Variants in DIAPH2 observed in about 807,000 individuals in gnomAD.
DIAPH2 encodes diaphanous related formin 2, also known as protein diaphanous homolog 2.
A neutral mutation model predicts 92.7 loss-of-function variants in DIAPH2; 35 were observed. The observed-to-expected ratio is 0.38, with a 90% CI of 0.29 to 0.50. The LOEUF (loss-of-function observed/expected upper bound fraction) is 0.50. Ranked by LOEUF, DIAPH2 falls within the 20% of genes least tolerant of loss-of-function variation. DIAPH2 has a pLI of 0.94. For missense variants in DIAPH2, 701 were observed against 819.5 expected, an observed-to-expected ratio of 0.86 and a Z score of 1.77; for synonymous variants, 301 against 280.4, an observed-to-expected ratio of 1.07 and a Z score of -0.73.
intron 23 of DIAPH2, among the ~76,000 whole-genome samples, chrX:97,335,888 C>G (rs2069053661): frequency 9.0e-6 from 1 of 111,523 alleles, no homozygotes; most frequent in Admixed American, 9.6e-5. Context: ...CAATGACTTA[C>G]GTTTTGGGCA....
At chrX:97,305,562 G>A (rs771536639) in intron 23 of DIAPH2, among the ~76,000 whole-genome samples, 4 of 110,287 alleles carry the variant, frequency 3.6e-5, no homozygotes, top group Non-Finnish European at 5.7e-5. Context: ...GCTCATGCCT[G>A]TAATCCCAGC....
intron 5 of DIAPH2, among the ~76,000 whole-genome samples, chrX:96,896,548 T>G (rs1478832319): frequency 8.9e-6 from 1 of 112,145 alleles, no homozygotes; most frequent in East Asian, 2.8e-4. Flanking sequence ...AGTTCTTTCA[T>G]GGAGGTTTGT....
chrX:96,808,319 A>T (rs2064645967), intron 4 of DIAPH2, among the ~76,000 whole-genome samples: 1 of 111,524 alleles, frequency 9.0e-6, no homozygotes, highest in African/African-American at 3.3e-5. Flanking sequence ...AAATGCTTCA[A>T]ATGCACCAGT....
chrX:97,389,390 C>T (rs893578517), intron 25 of DIAPH2, among the ~76,000 whole-genome samples: 1 of 102,277 alleles, frequency 9.8e-6, no homozygotes, highest in African/African-American at 3.6e-5. Context: ...TGCTTGAACC[C>T]GGGGGGCAGA....
intron 23 of DIAPH2, among the ~76,000 whole-genome samples, chrX:97,264,728 G>A (rs1409559020): frequency 8.9e-6 from 1 of 112,333 alleles, no homozygotes; most frequent in East Asian, 2.8e-4. Context: ...GCTCACGCCT[G>A]TAATGCCAGA....
intron 17 of DIAPH2, among the ~76,000 whole-genome samples, chrX:97,011,109 C>A (rs1403305870): frequency 1.8e-5 from 2 of 112,128 alleles, no homozygotes; most frequent in Non-Finnish European, 3.8e-5. Flanking sequence ...CTGTAATTCC[C>A]ATATTTGCCT....
chrX:97,487,012 G>A (rs371060398), intron 26 of DIAPH2, among the ~76,000 whole-genome samples: 2 of 112,047 alleles, frequency 1.8e-5, no homozygotes, highest in African/African-American at 3.2e-5. Flanking sequence ...GTGGAATCCC[G>A]CAGTATGAGT....
At chrX:97,114,440 G>A (rs2067003597) in intron 20 of DIAPH2, among the ~76,000 whole-genome samples, 1 of 111,652 alleles carries the variant, frequency 9.0e-6, no homozygotes. Context: ...GCTATTGATG[G>A]CTAATGATTA....
chrX:96,837,306 T>A (rs1326368744), intron 4 of DIAPH2, among the ~76,000 whole-genome samples: 1 of 109,153 alleles, frequency 9.2e-6, no homozygotes, highest in Non-Finnish European at 1.9e-5. Flanking sequence ...GATGAATGAG[T>A]TTACATCTAA....
chrX:97,491,035 G>A (rs1274460166), intron 26 of DIAPH2, among the ~76,000 whole-genome samples: 10 of 110,918 alleles, frequency 9.0e-5, no homozygotes, highest in Admixed American at 8.6e-4. Flanking sequence ...CCATAGTGCT[G>A]TCTGTTTCCT....
intron 3 of DIAPH2, among the ~76,000 whole-genome samples, chrX:96,756,206 CT>C (rs1214000561): frequency 1.8e-5 from 2 of 110,407 alleles, no homozygotes; most frequent in Non-Finnish European, 1.9e-5. Flanking sequence ...GAGTGTGAAA[CT>C]AGCACAACAA....
intron 17 of DIAPH2, among the ~76,000 whole-genome samples, chrX:97,070,058 A>G (rs751995905): frequency 1.3e-3 from 145 of 111,696 alleles, no homozygotes; most frequent in Non-Finnish European, 2.4e-3. Context: ...CATATCTTTA[A>G]TAATAATATA....
intron 22 of DIAPH2, among the ~76,000 whole-genome samples, chrX:97,195,768 T>C (rs746668815): frequency 1.8e-4 from 20 of 108,995 alleles, no homozygotes; most frequent in Admixed American, 1.6e-3. Flanking sequence ...TGTTGAAATA[T>C]TCTGTTCGAC....
At chrX:97,172,315 C>T (rs2067460353) in intron 22 of DIAPH2, among the ~76,000 whole-genome samples, 1 of 111,811 alleles carries the variant, frequency 8.9e-6, no homozygotes, top group Non-Finnish European at 1.9e-5. Context: ...AAATCAATTG[C>T]GAACCTTTTT....
intron 5 of DIAPH2, chrX:96,885,227 T>C: frequency 1.9e-6 from 1 of 539,948 alleles, no homozygotes; most frequent in Non-Finnish European, 3.0e-6. Context: ...AACTCGCTGC[T>C]TTTCTAACTG....
Position 97,601,435 on chromosome X carries a change from T to G in DIAPH2, c.*2118T>G, listed in dbSNP as rs181918821. 1.2e-5 allele frequency: 1 copy of G among 83,084 alleles called. No homozygotes were observed. The highest frequency in any genetic ancestry group is 3.7e-5 in the African/African-American group (1 of 27,255). The allele number at this position is 83,084 out of a possible 1,213,427, so 6.8% of individuals were successfully genotyped here. Reference sequence around the variant, plus strand: ...TTATTTAGAGCAATCCCACATGCTTTTCACAAACATTAAAAAAAAAAACCT... The same window carrying G: ...TTATTTAGAGCAATCCCACATGCTTGTCACAAACATTAAAAAAAAAAACCT... On this transcript the variant is annotated 3_prime_UTR_variant, in exon 27 of 27. Transcript: ENST00000324765.
intron 26 of DIAPH2, among the ~76,000 whole-genome samples, chrX:97,456,030 T>C (rs2070400675): frequency 8.9e-6 from 1 of 112,144 alleles, no homozygotes; most frequent in South Asian, 3.7e-4. Flanking sequence ...CTTCTTTCCT[T>C]CTTAATGTCT....
chrX:96,890,614 G>A (rs934776922), intron 5 of DIAPH2, among the ~76,000 whole-genome samples: 4 of 110,324 alleles, frequency 3.6e-5, no homozygotes, highest in African/African-American at 3.3e-5. Flanking sequence ...TCAGCCCCTC[G>A]TAAAATTTAA....
At chrX:97,013,937 G>T (rs1400308319) in intron 17 of DIAPH2, among the ~76,000 whole-genome samples, 1 of 112,032 alleles carries the variant, frequency 8.9e-6, no homozygotes, top group Non-Finnish European at 1.9e-5. Flanking sequence ...ATTGATGTTG[G>T]AGTCAAAGGA....
Sources: allele counts gnomAD v4.1 joint callset (sites outside exome capture counted in the v4.1 genomes callset), GRCh38; gene constraint gnomAD v4.1.1; transcripts MANE v1.5; gene names NCBI Gene and HGNC (gene_info 2026-07-23, HGNC 2026-07-21).